ADAMTS6: variants seen among roughly 807,000 people sequenced by gnomAD.
The protein encoded by ADAMTS6 is A disintegrin and metalloproteinase with thrombospondin motifs 6.
A neutral mutation model predicts 144.3 loss-of-function variants in ADAMTS6; 23 were observed. The ratio of observed to expected loss-of-function variants is 0.16; its 90% CI spans 0.11 to 0.23. The LOEUF is 0.23. ADAMTS6 is among the 10% of genes least tolerant of loss of function. The pLI is 1.00. For synonymous variants in ADAMTS6, 444 were observed against 457.5 expected (o/e 0.97, Z 0.38); for missense variants, 999 against 1,379.6 (o/e 0.72, Z 4.37).
At chr5:65,468,291 G>A (rs1760177142) in intron 3 of ADAMTS6, among the ~76,000 whole-genome samples, 1 of 151,896 alleles carries the variant, frequency 6.6e-6, no homozygotes, top group South Asian at 2.1e-4. Flanking sequence ...TAAAAGTGGT[G>A]GCCTTTGAAA....
rs551160350 is a variant in ADAMTS6 at position 65,405,900 on chromosome 5, C to T, written c.1073+45575G>A. On this transcript the variant is annotated intron_variant, in intron 7 of 24. Transcript: ENST00000381055. ...TGGATTCCTAGGTATTTTCTTCTCTCTGAAGCAATTGTGAATGGGAGTTCA... is the reference window on the plus strand; with the variant it reads ...TGGATTCCTAGGTATTTTCTTCTCTTTGAAGCAATTGTGAATGGGAGTTCA... Among the ~76,000 whole-genome samples, 458 of 152,070 alleles carry T rather than the reference C, an allele frequency of 3.0e-3. 5 individuals carry two copies. The highest frequency in any genetic ancestry group is 0.014 in the South Asian group (68 of 4,826).
rs138512940 is a variant in ADAMTS6, at chr5:65,432,168, A to C, written c.1073+19307T>G. Among the ~76,000 whole-genome samples, 390 of 152,188 alleles carry C rather than the reference A, an allele frequency of 2.6e-3. 4 individuals carry two copies. The highest frequency in any genetic ancestry group is 3.9e-3 in the Non-Finnish European group (266 of 67,944). ...AAATTTGTAGTGGGGTAGGGTACAA[A>C]AGATAGCTGATTTAGTAGATATCAT... On this transcript the variant is annotated intron_variant, in intron 7 of 24. Transcript: ENST00000381055.
chr5:65,245,246 G>A (rs912280290), intron 14 of ADAMTS6, among the ~76,000 whole-genome samples: 2 of 152,120 alleles, frequency 1.3e-5, no homozygotes, highest in Non-Finnish European at 2.9e-5. Flanking sequence ...CCACTTCCCA[G>A]GCTTTTTTGT....
intron 10 of ADAMTS6, among the ~76,000 whole-genome samples, chr5:65,293,706 C>A (rs1437775888): frequency 1.3e-5 from 2 of 152,000 alleles, no homozygotes; most frequent in African/African-American, 4.8e-5. Flanking sequence ...AAATACCAAA[C>A]CAGAGGACAA....
intron 7 of ADAMTS6, among the ~76,000 whole-genome samples, chr5:65,391,057 A>T (rs906776154): frequency 1.3e-5 from 2 of 151,406 alleles, no homozygotes; most frequent in African/African-American, 2.4e-5. Flanking sequence ...ACTAGTTGAG[A>T]CTATAGGCAC....
chr5:65,359,076 G>A (rs187728043), intron 7 of ADAMTS6, among the ~76,000 whole-genome samples: 9 of 152,270 alleles, frequency 5.9e-5, no homozygotes, highest in Admixed American at 5.9e-4. Flanking sequence ...ACAATTAGCA[G>A]AGTGAAAAGA....
At chr5:65,309,834 C>T (rs973660109) in intron 9 of ADAMTS6, among the ~76,000 whole-genome samples, 2 of 151,962 alleles carry the variant, frequency 1.3e-5, no homozygotes, top group Non-Finnish European at 2.9e-5. Flanking sequence ...TAGCTGGGCA[C>T]CGTGACTCAT....
chr5:65,150,162 G>T lies in ADAMTS6; in HGVS notation c.*1674C>A, dbSNP rs1752077692. ...CTGACATGTAATTTAAGAGCACCAT[G>T]ATGGAATCAAGTCAAACATGCTGTT... is the stretch of plus-strand genomic sequence containing the variant. On this transcript the variant is annotated 3_prime_UTR_variant, in exon 25 of 25. Transcript: ENST00000381055. 6.6e-6 allele frequency: 1 copy of T among 152,480 alleles called. No homozygotes were observed. Among genetic ancestry groups the T allele is most frequent in the Non-Finnish European group, 1.5e-5 (1 of 68,048 alleles). The allele number at this position is 152,480 out of a possible 1,614,324, so 9.4% of individuals were successfully genotyped here. A position where few individuals can be genotyped will look rare whatever the true frequency, so the allele number is the denominator to read the frequency against.
intron 1 of ADAMTS6, among the ~76,000 whole-genome samples, chr5:65,480,098 C>A (rs544395122): frequency 9.9e-5 from 15 of 152,176 alleles, no homozygotes; most frequent in Non-Finnish European, 2.2e-4. Flanking sequence ...TGTTACGTTT[C>A]TTTTCCTGTC....
chr5:65,276,809 T>C (rs1762580074), intron 11 of ADAMTS6, among the ~76,000 whole-genome samples: 1 of 151,892 alleles, frequency 6.6e-6, no homozygotes, highest in African/African-American at 2.4e-5. Flanking sequence ...TTTCCCTAAA[T>C]AAAATATAGG....
chr5:65,458,958 A>G (rs116496789), intron 4 of ADAMTS6, among the ~76,000 whole-genome samples: 104 of 152,262 alleles, frequency 6.8e-4, no homozygotes, highest in African/African-American at 2.5e-3. Flanking sequence ...AATTCGTCCT[A>G]TGCTATATCA....
rs145449286 is a variant in ADAMTS6, at chr5:65,280,958, T to C, written c.1513-7511A>G. ...ATGATGAACTAAAACTGAATCCCCA[T>C]CACTGTAGATACTTCAGCACATATT... On this transcript the variant is annotated intron_variant, in intron 11 of 24. Coordinates refer to ENST00000381055, the MANE Select transcript of ADAMTS6 (RefSeq NM_197941.4). Among the ~76,000 whole-genome samples, 356 of 152,308 alleles carry C rather than the reference T, an allele frequency of 2.3e-3. 3 individuals are homozygous for C. Among genetic ancestry groups the C allele is most frequent in the African/African-American group, 8.1e-3 (337 of 41,568 alleles).
intron 7 of ADAMTS6, among the ~76,000 whole-genome samples, chr5:65,368,784 G>A (rs1349126294): frequency 6.6e-6 from 1 of 152,198 alleles, no homozygotes; most frequent in African/African-American, 2.4e-5. Context: ...GCCAGGCTTG[G>A]TGGCTCACAC....
chr5:65,162,834 A>C (rs1752867895), intron 24 of ADAMTS6, among the ~76,000 whole-genome samples: 1 of 152,182 alleles, frequency 6.6e-6, no homozygotes, highest in South Asian at 2.1e-4. Flanking sequence ...AACTCATGTG[A>C]TCTATTGCTA....
intron 7 of ADAMTS6, among the ~76,000 whole-genome samples, chr5:65,399,133 T>C (rs750817633): frequency 7.9e-5 from 12 of 151,924 alleles, no homozygotes; most frequent in Non-Finnish European, 1.5e-4. Context: ...GGTGGGCGCC[T>C]GTAATCCCAT....
intron 7 of ADAMTS6, among the ~76,000 whole-genome samples, chr5:65,349,850 T>C (rs974005763): frequency 6.9e-6 from 1 of 144,146 alleles, no homozygotes; most frequent in African/African-American, 2.6e-5. Flanking sequence ...TGAGACTGTC[T>C]CAAAAAAAAA....
rs149736047 is a variant in ADAMTS6 at position 65,461,207 on chromosome 5, T to G, written c.463-869A>C. The stretch of plus-strand genomic sequence containing the variant: ...CAAATGGAGTAGCTTCACCCTCCAC[T>G]GAGCTCCAATAGAGCTAATTCTCAG... On this transcript the variant is annotated intron_variant, in intron 3 of 24. Transcript: ENST00000381055. 2.5e-3 allele frequency among the ~76,000 whole-genome samples: 383 copies of G among 152,330 alleles called. 4 individuals are homozygous for G. The highest frequency in any genetic ancestry group is 8.9e-3 in the African/African-American group (371 of 41,574).
intron 9 of ADAMTS6, among the ~76,000 whole-genome samples, chr5:65,328,337 CT>C (rs1412813278): frequency 2.6e-5 from 4 of 151,520 alleles, no homozygotes; most frequent in Admixed American, 1.3e-4. Context: ...TCTTTTTCCC[CT>C]ATCTATGACG....
intron 7 of ADAMTS6, among the ~76,000 whole-genome samples, chr5:65,336,782 T>A (rs1013302623): frequency 6.6e-6 from 1 of 152,130 alleles, no homozygotes; most frequent in Non-Finnish European, 1.5e-5. Context: ...TCATTATAAC[T>A]GATAACCTTT....
Sources: gnomAD v4.1 joint callset for allele counts (sites outside exome capture counted in the v4.1 genomes callset) on GRCh38, gnomAD v4.1.1 for gene constraint, MANE v1.5 for transcripts, NCBI Gene and HGNC (gene_info 2026-07-23, HGNC 2026-07-21) for gene names.